Variants in GGH observed in about 807,000 individuals in gnomAD.
GGH encodes the protein gamma-glutamyl hydrolase.
A neutral mutation model predicts 39.2 loss-of-function variants in GGH; 18 were observed. That is an observed-to-expected ratio of 0.46 (90% CI 0.32 to 0.68). The LOEUF is 0.68. GGH is among the 30% of genes least tolerant of loss of function. The probability of loss-of-function intolerance (pLI) is 0.04; values close to 1 mark genes in which losing one functional copy is unlikely to be tolerated. For synonymous variants in GGH, 147 were observed against 138.8 expected, an observed-to-expected ratio of 1.06 and a Z score of -0.42; for missense variants, 367 against 384.1, an observed-to-expected ratio of 0.96 and a Z score of 0.37.
rs1418459986 is a variant in GGH at position 63,030,152 on chromosome 8, A to G, written c.275+15T>C. ...ACCACTCATATACCGTATGAAACCA[A>G]TGCTGCCAACTTACCCATTAATAGA... On this transcript the variant is annotated intron_variant, in intron 3 of 8. Transcript: ENST00000260118. 2.4e-6 allele frequency: 3 copies of G among 1,238,026 alleles called. No homozygotes were observed. Among genetic ancestry groups the G allele is most frequent in the Admixed American group, 1.7e-5 (1 of 58,772 alleles). The allele number at this position is 1,238,026 out of a possible 1,614,324, so 76.7% of individuals were successfully genotyped here.
chr8:63,028,662 T>C (rs771770095), intron 3 of GGH, among the ~76,000 whole-genome samples: 2 of 152,068 alleles, frequency 1.3e-5, no homozygotes, highest in African/African-American at 2.4e-5. Flanking sequence ...AGTGACTACA[T>C]GAGAGAGAAA....
At chr8:63,019,993 G>A (rs1011340827) in intron 7 of GGH, among the ~76,000 whole-genome samples, 1 of 152,312 alleles carries the variant, frequency 6.6e-6, no homozygotes, top group East Asian at 1.9e-4. Flanking sequence ...GTATCATCAT[G>A]GGCAAAAGTG....
chr8:63,038,688 G>C lies in GGH; in HGVS notation c.81C>G (p.His27Gln). 1 of 1,546,990 alleles carries C rather than the reference G, an allele frequency of 6.5e-7. No individual in the cohort carries two copies. The highest frequency in any genetic ancestry group is 1.2e-5 in the South Asian group (1 of 83,518). The change falls in exon 1 of 9, where the codon CAC becomes CAG. Residue 27 changes from histidine to glutamine, a missense_variant. Coordinates refer to ENST00000260118, the MANE Select transcript of GGH (RefSeq NM_003878.3). ...GAASLELSRPHGDTAKKPIIG... is the reference protein window; with the variant it reads ...GAASLELSRPQGDTAKKPIIG... ...TGATGGGCTTCTTGGCGGTGTCGCC[G>C]TGGGGTCTAGACAGCTCGAGGCTCG...
chr8:63,026,187 T>A lies in GGH; in HGVS notation c.470A>T (p.Asp157Val), dbSNP rs1804680233. 1 of 1,605,540 alleles carries A rather than the reference T, an allele frequency of 6.2e-7. No homozygotes were observed. The highest frequency in any genetic ancestry group is 1.1e-5 in the South Asian group (1 of 88,882). ...AGTGAAGTTCAGCGGCATTGCCACG[T>A]CAACAGTATCTGTGGCAGTTAATAA... Reference protein sequence around the residue: ...ECLLTATDTVDVAMPLNFTGG... With the variant: ...ECLLTATDTVVVAMPLNFTGG... The change falls in exon 5 of 9, where the codon GAC becomes GTC. Residue 157 changes from aspartate to valine, a missense_variant. By Grantham distance (152) the Asp-to-Val change is radical (BLOSUM62 -3). Coordinates refer to ENST00000260118, the MANE Select transcript of GGH (RefSeq NM_003878.3).
At chr8:63,019,124 G>A (rs1027200888) in intron 7 of GGH, among the ~76,000 whole-genome samples, 2 of 152,210 alleles carry the variant, frequency 1.3e-5, no homozygotes, top group South Asian at 2.1e-4. Flanking sequence ...TGGGGATAAT[G>A]TCCCAAAGAA....
At position 63,019,478 on chromosome 8, in the gene GGH, C is replaced by A. The variant is rs377104770; in HGVS notation, c.698-1848G>T. 2.0e-5 allele frequency among the ~76,000 whole-genome samples: 3 copies of A among 152,272 alleles called. No homozygotes were observed. In the East Asian group the frequency reaches 5.8e-4, roughly 29 times the overall value. On this transcript the variant is annotated intron_variant, in intron 7 of 8. Transcript: ENST00000260118. Reference sequence around the variant, plus strand: ...CCTAGAGCATTACTTTGAAGAACTGCCACTGCAGATAAAACACGGTTTTAC... The same window carrying A: ...CCTAGAGCATTACTTTGAAGAACTGACACTGCAGATAAAACACGGTTTTAC...
At chr8:63,015,515 TATA>T in intron 8 of GGH, 62 bp from the exon 9 acceptor site, 1 of 1,070,938 alleles carries the variant, frequency 9.3e-7, no homozygotes, top group Non-Finnish European at 1.4e-6. Flanking sequence ...GAGACTATTT[TATA>T]ATATTTCTTC....
At chr8:63,021,863 G>A (rs747721544) in intron 7 of GGH, among the ~76,000 whole-genome samples, 18 of 151,652 alleles carry the variant, frequency 1.2e-4, no homozygotes, top group Admixed American at 2.6e-4. Flanking sequence ...TAGTAGAGAC[G>A]GGGTTTCGCC....
chr8:63,030,795 C>T (rs1480563525), intron 2 of GGH, among the ~76,000 whole-genome samples: 1 of 152,016 alleles, frequency 6.6e-6, no homozygotes, highest in African/African-American at 2.4e-5. Flanking sequence ...CCTAACTGCC[C>T]AGGTAATTAC....
intron 1 of GGH, among the ~76,000 whole-genome samples, chr8:63,036,726 G>A (rs555898937): frequency 6.6e-6 from 1 of 152,272 alleles, no homozygotes; most frequent in East Asian, 1.9e-4. Context: ...CAGGACAAAG[G>A]AATAGCAAGT....
chr8:63,026,020 T>C (rs1804677205), intron 5 of GGH, 138 bp downstream of exon 5: 3 of 639,962 alleles, frequency 4.7e-6, no homozygotes, highest in East Asian at 3.0e-5. Context: ...ATAATTTAAA[T>C]GCTAATGTCA....
At position 63,038,661 on chromosome 8, in the gene GGH, G is replaced by T. The variant is rs531939120; in HGVS notation, c.108C>A (p.Ile36=). 6.8e-7 allele frequency: 1 copy of T among 1,464,190 alleles called. No individual in the cohort carries two copies. The highest frequency in any genetic ancestry group is 9.2e-7 in the Non-Finnish European group (1 of 1,086,600). The allele number at this position is 1,464,190 out of a possible 1,614,324, so 90.7% of individuals were successfully genotyped here. The change falls in exon 1 of 9, where the codon ATC becomes ATA. Residue 36 remains isoleucine, a splice_region_variant and synonymous_variant. Coordinates refer to ENST00000260118, the MANE Select transcript of GGH (RefSeq NM_003878.3). The part of the protein sequence containing the change: ...PHGDTAKKPI[I]GILMQKCRNK... ...TGCGGCCCCGCACAGCCTCCTTACCGATGATGGGCTTCTTGGCGGTGTCGC... is the reference window on the plus strand; with the variant it reads ...TGCGGCCCCGCACAGCCTCCTTACCTATGATGGGCTTCTTGGCGGTGTCGC...
At position 63,038,776 on chromosome 8, in the gene GGH, G is replaced by A. The variant is rs757089623; in HGVS notation, c.-8C>T. ...GCAGCCCGGACTGGCCATGGCGCTC[G>A]CCGCCTCCCGCCGCCTTTCAAAAGC... On this transcript the variant is annotated 5_prime_UTR_variant, in exon 1 of 9. Coordinates refer to ENST00000260118, the MANE Select transcript of GGH (RefSeq NM_003878.3). 6 of 1,465,562 alleles carry A rather than the reference G, an allele frequency of 4.1e-6. No individual in the cohort carries two copies. The highest frequency in any genetic ancestry group is 1.4e-5 in the African/African-American group (1 of 69,050). 90.8% of individuals were successfully genotyped at this position (1,465,562 alleles called of 1,614,324 possible).
intron 2 of GGH, among the ~76,000 whole-genome samples, chr8:63,030,947 TC>T (rs1804791556): frequency 6.6e-6 from 1 of 152,212 alleles, no homozygotes; most frequent in Non-Finnish European, 1.5e-5. Flanking sequence ...GTCACAGATA[TC>T]TGCTCTCCCG....
chr8:63,038,717 C>T lies in GGH; in HGVS notation c.52G>A (p.Ala18Thr), dbSNP rs1222691551. ...GGTCTAGACAGCTCGAGGCTCGCCGCCCCGCAGAGTAGCAGGCCCAGCACG... is the reference window on the plus strand; with the variant it reads ...GGTCTAGACAGCTCGAGGCTCGCCGTCCCGCAGAGTAGCAGGCCCAGCACG... The part of the protein sequence containing the change: ...LCVLGLLLCG[A>T]ASLELSRPHG... Residue 18 changes from alanine (A) to threonine (T), a missense_variant, in exon 1 of 9, where the codon GCG becomes ACG. By Grantham distance (58) the Ala-to-Thr change is moderately conservative. Coordinates refer to ENST00000260118, the MANE Select transcript of GGH (RefSeq NM_003878.3). 7.6e-6 allele frequency: 12 copies of T among 1,585,266 alleles called. No individual in the cohort carries two copies. The Admixed American group carries it at 1.9e-4, about 25-fold the overall frequency.
intron 2 of GGH, among the ~76,000 whole-genome samples, chr8:63,034,424 G>T (rs1804862902): frequency 6.6e-6 from 1 of 152,016 alleles, no homozygotes; most frequent in African/African-American, 2.4e-5. Flanking sequence ...CAGTATTTTT[G>T]TTATAATTTT....
chr8:63,015,994 T>C (rs1194674954), intron 8 of GGH, among the ~76,000 whole-genome samples: 3 of 152,072 alleles, frequency 2.0e-5, no homozygotes, highest in African/African-American at 4.8e-5. Context: ...GTAAAAAAGA[T>C]GGAGAAACTG....
intron 4 of GGH, 90 bp downstream of exon 4, chr8:63,027,091 G>A (rs1804700299): frequency 4.0e-6 from 3 of 758,922 alleles, no homozygotes; most frequent in Admixed American, 1.8e-5. Context: ...TAATTTTGAA[G>A]GGAGCATTAC....
At chr8:63,034,050 T>A (rs1343630787) in intron 2 of GGH, among the ~76,000 whole-genome samples, 2 of 146,998 alleles carry the variant, frequency 1.4e-5, no homozygotes, top group Admixed American at 6.8e-5. Context: ...ATATATATTT[T>A]TATATATATC....
Sources: gnomAD v4.1 joint callset for allele counts (sites outside exome capture counted in the v4.1 genomes callset) on GRCh38, gnomAD v4.1.1 for gene constraint, MANE v1.5 for transcripts, NCBI Gene and HGNC (gene_info 2026-07-23, HGNC 2026-07-21) for gene names.